The following GRIP1 variants were observed in gnomAD, a reference collection of about 807,000 sequenced individuals.
GRIP1 encodes the protein glutamate receptor interacting protein 1, also known as glutamate receptor-interacting protein 1.
GRIP1 carries 45 observed loss-of-function variants against 129.9 expected under a neutral mutation model. The ratio of observed to expected loss-of-function variants is 0.35; its 90% confidence interval spans 0.27 to 0.44. The LOEUF (loss-of-function observed/expected upper bound fraction) is 0.44, where lower values mean the gene tolerates loss of function less well. Ranked by LOEUF, GRIP1 falls within the 20% of genes least tolerant of loss-of-function variation. GRIP1 has a pLI of 1.00. For synonymous variants in GRIP1, 530 were observed against 520.8 expected, an observed-to-expected ratio of 1.02 and a Z score of -0.24; for missense variants, 1,196 against 1,396.8, an observed-to-expected ratio of 0.86 and a Z score of 2.29.
At chr12:67,048,393 A>C (rs141972040) in intron 1 of GRIP1, among the ~76,000 whole-genome samples, 336 of 152,344 alleles carry the variant, frequency 2.2e-3, no homozygotes, top group South Asian at 3.5e-3. Context: ...ACACGTTTGC[A>C]AATTTTGCTC....
At chr12:66,773,972 G>A (rs1317197388) in intron 1 of GRIP1, among the ~76,000 whole-genome samples, 4 of 151,970 alleles carry the variant, frequency 2.6e-5, no homozygotes, top group Non-Finnish European at 5.9e-5. Context: ...GAACTGCTGT[G>A]ATTAATCTCT....
At chr12:67,002,089 G>A (rs2042559454) in intron 1 of GRIP1, among the ~76,000 whole-genome samples, 2 of 152,134 alleles carry the variant, frequency 1.3e-5, no homozygotes, top group African/African-American at 4.8e-5. Flanking sequence ...AAAATGTGAG[G>A]ATTAGAGTCC....
intron 7 of GRIP1, among the ~76,000 whole-genome samples, chr12:66,473,921 TCTC>T (rs1227702977): frequency 1.1e-4 from 17 of 152,094 alleles, no homozygotes; most frequent in African/African-American, 3.9e-4. Flanking sequence ...GAATGTCTCT[TCTC>T]CTCCAGAGGA....
At position 66,979,222 on chromosome 12, in the gene GRIP1, T is replaced by TAAAAAAAAAAAAAAAA. The variant is rs35306665; in HGVS notation, c.58+89812_58+89827dup. Among the ~76,000 whole-genome samples the TAAAAAAAAAAAAAAAA allele has an allele frequency of 1.3e-3, 55 of 41,434 alleles. 10 individuals carry two copies. Among genetic ancestry groups the TAAAAAAAAAAAAAAAA allele is most frequent in the Admixed American group, 3.4e-3 (8 of 2,330 alleles). The allele number at this position is 41,434 out of a possible 152,430, so 27.2% of individuals were successfully genotyped here. A position where few individuals can be genotyped will look rare whatever the true frequency, so the allele number is the denominator to read the frequency against. ...CCCCAAGCCACAAAACTTCTCTTCT[T>TAAAAAAAAAAAAAAAA]AAAAAAAAAAAAAAAAAAAAAAAAA... is the stretch of plus-strand genomic sequence containing the variant. On this transcript the variant is annotated intron_variant, in intron 1 of 1. Coordinates refer to the GRIP1 transcript ENST00000643019.
intron 1 of GRIP1, among the ~76,000 whole-genome samples, chr12:66,738,377 G>A (rs1398944209): frequency 2.6e-5 from 4 of 151,584 alleles, no homozygotes; most frequent in African/African-American, 9.7e-5. Flanking sequence ...CCGCCACCAC[G>A]CCCGACTAAT....
chr12:66,639,320 G>C (rs2031712100), intron 1 of GRIP1, among the ~76,000 whole-genome samples: 1 of 152,158 alleles, frequency 6.6e-6, no homozygotes, highest in African/African-American at 2.4e-5. Flanking sequence ...GGCTGAGCTT[G>C]AGTTATGTTT....
chr12:66,835,903 G>T (rs2039604469), intron 1 of GRIP1, among the ~76,000 whole-genome samples: 1 of 152,072 alleles, frequency 6.6e-6, no homozygotes, highest in African/African-American at 2.4e-5. Context: ...AGGTTCATCA[G>T]TTGTAACAAA....
chr12:66,703,717 C>T (rs2035430895), intron 1 of GRIP1, among the ~76,000 whole-genome samples: 2 of 152,078 alleles, frequency 1.3e-5, no homozygotes, highest in South Asian at 4.1e-4. Flanking sequence ...CAAGGAGAAG[C>T]AGCCAAAACA....
chr12:67,030,580 C>T (rs1375467420), intron 1 of GRIP1, among the ~76,000 whole-genome samples: 1 of 152,120 alleles, frequency 6.6e-6, no homozygotes, highest in Non-Finnish European at 1.5e-5. Flanking sequence ...CCACTATTTC[C>T]CATACTCCCT....
intron 5 of GRIP1, among the ~76,000 whole-genome samples, chr12:66,522,434 C>T (rs1011027845): frequency 5.9e-5 from 9 of 152,164 alleles, no homozygotes; most frequent in Admixed American, 1.3e-4. Context: ...GGGTTTGGAG[C>T]GGACCTCTAG....
intron 1 of GRIP1, among the ~76,000 whole-genome samples, chr12:66,856,193 C>T (rs1344529719): frequency 1.3e-5 from 2 of 152,038 alleles, no homozygotes; most frequent in Admixed American, 6.6e-5. Context: ...AACTGGATCC[C>T]TTCCTTACAC....
intron 1 of GRIP1, among the ~76,000 whole-genome samples, chr12:67,010,990 TCA>T (rs1179925565): frequency 3.3e-5 from 5 of 152,136 alleles, no homozygotes; most frequent in Non-Finnish European, 5.9e-5. Flanking sequence ...CTAGGCAATC[TCA>T]CTTATCAACA....
At chr12:66,511,822 T>C (rs1436539530) in intron 7 of GRIP1, among the ~76,000 whole-genome samples, 3 of 152,166 alleles carry the variant, frequency 2.0e-5, no homozygotes, top group Admixed American at 2.0e-4. Context: ...AGGATATATC[T>C]TGGGCTTTTA....
intron 1 of GRIP1, among the ~76,000 whole-genome samples, chr12:66,793,572 A>G (rs2038607938): frequency 6.6e-6 from 1 of 152,220 alleles, no homozygotes; most frequent in South Asian, 2.1e-4. Context: ...CATTACAAAA[A>G]TGGTTAGTCA....
chr12:66,998,189 G>A (rs1247905016), intron 1 of GRIP1, among the ~76,000 whole-genome samples: 1 of 152,068 alleles, frequency 6.6e-6, no homozygotes, highest in African/African-American at 2.4e-5. Flanking sequence ...CATATTTCAA[G>A]GGTTCAAAAG....
intron 1 of GRIP1, among the ~76,000 whole-genome samples, chr12:66,729,020 T>A (rs969303159): frequency 4.0e-5 from 6 of 151,740 alleles, no homozygotes; most frequent in Non-Finnish European, 8.8e-5. Context: ...GTTAACTAGG[T>A]TAAGGATACA....
At chr12:66,539,843 A>AT (rs1565842244) in intron 3 of GRIP1, among the ~76,000 whole-genome samples, 1 of 152,160 alleles carries the variant, frequency 6.6e-6, no homozygotes, top group African/African-American at 2.4e-5. Flanking sequence ...TTATCTCTCT[A>AT]TACCACCATA....
intron 1 of GRIP1, among the ~76,000 whole-genome samples, chr12:66,830,348 A>G (rs1278200300): frequency 2.0e-5 from 3 of 152,138 alleles, no homozygotes; most frequent in Admixed American, 6.5e-5. Flanking sequence ...GGTAATCACA[A>G]AAGTTTACAT....
chr12:66,884,581 T>C (rs182270233), intron 1 of GRIP1, among the ~76,000 whole-genome samples: 132 of 152,134 alleles, frequency 8.7e-4, no homozygotes, highest in Admixed American at 2.8e-3. Flanking sequence ...AATAATGAAA[T>C]GTAGAAGTTA....
Sources: allele counts gnomAD v4.1 joint callset (sites outside exome capture counted in the v4.1 genomes callset), GRCh38; gene constraint gnomAD v4.1.1; transcripts MANE v1.5; gene names NCBI Gene and HGNC (gene_info 2026-07-23, HGNC 2026-07-21).